PANX1: variants seen among roughly 807,000 people sequenced by gnomAD.
The protein encoded by PANX1 is pannexin-1.
A neutral mutation model predicts 38.7 loss-of-function variants in PANX1; 30 were observed. The observed-to-expected ratio is 0.78, with a 90% confidence interval of 0.58 to 1.05. The LOEUF (loss-of-function observed/expected upper bound fraction) is 1.05, where lower values mean the gene tolerates loss of function less well. Ranked by LOEUF, PANX1 falls within the 50% of genes least tolerant of loss-of-function variation. The pLI, the probability that PANX1 is intolerant of heterozygous loss-of-function variation, is 0.00. For missense variants in PANX1, 551 were observed against 517.2 expected (o/e 1.07, Z -0.63); for synonymous variants, 230 against 212.2 (o/e 1.08, Z -0.73).
At chr11:94,138,773 C>T (rs1485771555) in intron 1 of PANX1, among the ~76,000 whole-genome samples, 1 of 152,166 alleles carries the variant, frequency 6.6e-6, no homozygotes, top group Non-Finnish European at 1.5e-5. Context: ...CATTAACCAT[C>T]CCCATTTCCC....
At chr11:94,178,652 ACTGC>A in intron 3 of PANX1, 60 bp downstream of exon 3, 1 of 1,322,052 alleles carries the variant, frequency 7.6e-7, no homozygotes. Context: ...CTGCCCTTCT[ACTGC>A]CAGTCTGGGC....
intron 2 of PANX1, among the ~76,000 whole-genome samples, chr11:94,169,367 T>A (rs1947137901): frequency 6.6e-6 from 1 of 151,606 alleles, no homozygotes; most frequent in South Asian, 2.1e-4. Context: ...TGATAACCTG[T>A]GTCAGATGCT....
At position 94,175,005 on chromosome 11, in the gene PANX1, C is replaced by T. The variant is rs1331162666; in HGVS notation, c.322-3364C>T. Among the ~76,000 whole-genome samples, 3 of 151,664 alleles carry T rather than the reference C, an allele frequency of 2.0e-5. No individual in the cohort carries two copies. The East Asian group carries it at 5.8e-4, about 29-fold the overall frequency. On this transcript the variant is annotated intron_variant, in intron 2 of 4. Coordinates refer to ENST00000227638, the MANE Select transcript of PANX1 (RefSeq NM_015368.4). Reference sequence around the variant, plus strand: ...AGAAGTTTCCCTATTCTTGGAAGAGCTCAATACTCACTCGAACATCATGCA... The same window carrying T: ...AGAAGTTTCCCTATTCTTGGAAGAGTTCAATACTCACTCGAACATCATGCA...
Position 94,179,649 on chromosome 11 carries a change from A to T in PANX1, c.593A>T (p.Gln198Leu), listed in dbSNP as rs1190800608. 1.9e-6 allele frequency: 3 copies of T among 1,613,454 alleles called. No homozygotes were observed. Among genetic ancestry groups the T allele is most frequent in the Non-Finnish European group, 2.5e-6 (3 of 1,179,554 alleles). Residue 198 changes from glutamine to leucine, a missense_variant, in exon 4 of 5, where the codon CAG (glutamine) becomes CTG (leucine). Coordinates refer to ENST00000227638, the MANE Select transcript of PANX1 (RefSeq NM_015368.4). The stretch of plus-strand genomic sequence containing the variant: ...CACTTCAAGTACCCAATTGTGGAGC[A>T]GTACTTGAAGACAAAGAAAAATTCT... ...ESHFKYPIVEQYLKTKKNSNN... is the reference protein window; with the variant it reads ...ESHFKYPIVELYLKTKKNSNN...
At position 94,129,280 on chromosome 11, in the gene PANX1, G is replaced by T. The variant is rs376331286; in HGVS notation, c.-33G>T. The T allele has an allele frequency of 3.2e-6, 5 of 1,577,186 alleles. No individual in the cohort carries two copies. Among genetic ancestry groups the T allele is most frequent in the Non-Finnish European group, 3.5e-6 (4 of 1,154,114 alleles). ...AGCTTTCCCGACGCCGGCTGTACCC[G>T]GACCTCCTGGTCGAGCCTGGCGCGC... On this transcript the variant is annotated 5_prime_UTR_variant, in exon 1 of 5. Transcript: ENST00000227638.
intron 1 of PANX1, among the ~76,000 whole-genome samples, chr11:94,140,714 C>G (rs1420695690): frequency 6.6e-6 from 1 of 152,144 alleles, no homozygotes; most frequent in African/African-American, 2.4e-5. Flanking sequence ...CTTAGGACCC[C>G]TTTACACCCT....
At chr11:94,167,265 A>G (rs997655980) in intron 2 of PANX1, among the ~76,000 whole-genome samples, 2 of 152,182 alleles carry the variant, frequency 1.3e-5, no homozygotes, top group Non-Finnish European at 2.9e-5. Flanking sequence ...GCAAGACCGT[A>G]CTTCCTACTC....
chr11:94,138,170 CTCCCCGCAGCTGAAGGAGTGGCTT>C (rs1235398284), intron 1 of PANX1, among the ~76,000 whole-genome samples: 3 of 152,128 alleles, frequency 2.0e-5, no homozygotes, highest in Non-Finnish European at 4.4e-5. Context: ...ATGGATACTT[CTCCCCGCAGCTGAAGGAGTGGCTT>C]TCCCCACAGC....
Position 94,178,577 on chromosome 11 carries a change from AGAACT to A in PANX1, c.531_535del (p.Glu177AspfsTer10). ...GCCTGCTCAGTTCCAGGTGTTACCG[AGAACT>A]TAGGGCAAAGGTAACTTAGCCCCAG... On this transcript the variant is annotated frameshift_variant, in exon 3 of 5. Transcript: ENST00000227638. LOFTEE classifies it high-confidence loss of function. 6.2e-7 allele frequency: 1 copy of A among 1,613,614 alleles called. No individual in the cohort carries two copies. The highest frequency in any genetic ancestry group is 8.5e-7 in the Non-Finnish European group (1 of 1,179,648).
Position 94,165,467 on chromosome 11 carries a change from A to G in PANX1, c.321+11837A>G, listed in dbSNP as rs377173385. The stretch of plus-strand genomic sequence containing the variant: ...GACAGGATCAAATTCACACATAACA[A>G]TATTAACTTTAAATGTAAATGGGCT... On this transcript the variant is annotated intron_variant, in intron 2 of 4. Transcript: ENST00000227638. 4.6e-5 allele frequency among the ~76,000 whole-genome samples: 7 copies of G among 152,298 alleles called. No individual in the cohort carries two copies. In the East Asian group the frequency reaches 7.7e-4, roughly 17 times the overall value.
chr11:94,144,304 G>T (rs1946800642), intron 1 of PANX1, among the ~76,000 whole-genome samples: 2 of 151,958 alleles, frequency 1.3e-5, no homozygotes, highest in South Asian at 4.2e-4. Flanking sequence ...GTGAATGTGT[G>T]ACCAGTCTGG....
At position 94,179,849 on chromosome 11, in the gene PANX1, T is replaced by G. The variant is rs1275482778; in HGVS notation, c.793T>G (p.Cys265Gly). 1.2e-6 allele frequency: 2 copies of G among 1,614,154 alleles called. No individual in the cohort carries two copies. Among genetic ancestry groups the G allele is most frequent in the Non-Finnish European group, 1.7e-6 (2 of 1,180,012 alleles). Residue 265 changes from cysteine (C) to glycine (G), a missense_variant, in exon 4 of 5, where the codon TGC becomes GGC. Physicochemically the swap from Cys to Gly is radical, Grantham distance 159. Transcript: ENST00000227638. ...NDSTVPDQFQ[C>G]KLIAVGIFQL... ...CAGCACCGTGCCCGATCAGTTTCAG[T>G]GCAAACTCATTGCCGTGGGCATCTT... is the stretch of plus-strand genomic sequence containing the variant.
chr11:94,144,926 T>C (rs1012450732), intron 1 of PANX1, among the ~76,000 whole-genome samples: 9 of 152,176 alleles, frequency 5.9e-5, no homozygotes, highest in Non-Finnish European at 1.0e-4. Flanking sequence ...CTAGGTTGAA[T>C]GAGAGAATCT....
chr11:94,130,085 A>G (rs954193803), intron 1 of PANX1, among the ~76,000 whole-genome samples: 2 of 152,232 alleles, frequency 1.3e-5, no homozygotes, highest in Non-Finnish European at 2.9e-5. Flanking sequence ...CCTGTAAATT[A>G]TCATTTGAGC....
chr11:94,138,359 T>C (rs1321385771), intron 1 of PANX1, among the ~76,000 whole-genome samples: 2 of 152,256 alleles, frequency 1.3e-5, no homozygotes, highest in East Asian at 3.8e-4. Flanking sequence ...TCTTATCTTT[T>C]GCTTATTTTT....
In PANX1 at chr11:94,129,363, G is replaced by C. The variant is rs375516411; in HGVS notation, c.51G>C (p.Leu17=). ...ATEYVFSDFL[L]KEPTEPKFKG... is the part of the protein sequence containing the mutation. The stretch of plus-strand genomic sequence containing the variant: ...AGTACGTGTTCTCGGATTTCTTGCT[G>C]AAGGAGCCCACGGAGCCCAAGTTCA... Residue 17 remains leucine, a synonymous_variant, in exon 1 of 5, where the codon CTG becomes CTC. Transcript: ENST00000227638. 20 of 1,613,800 alleles carry C rather than the reference G, an allele frequency of 1.2e-5. No individual in the cohort carries two copies. Among genetic ancestry groups the C allele is most frequent in the Non-Finnish European group, 1.5e-5 (18 of 1,179,878 alleles).
intron 2 of PANX1, among the ~76,000 whole-genome samples, chr11:94,169,569 G>A (rs1947140273): frequency 6.6e-6 from 1 of 151,654 alleles, no homozygotes; most frequent in Non-Finnish European, 1.5e-5. Flanking sequence ...CTGCAGTAGG[G>A]TGGGCCTTTA....
intron 2 of PANX1, chr11:94,175,597 A>G (rs972039395): frequency 4.3e-6 from 1 of 234,076 alleles, no homozygotes; most frequent in Non-Finnish European, 7.0e-6. Flanking sequence ...CATGTTAGAA[A>G]AAGTTTTCTC....
At chr11:94,146,637 A>G (rs1946831580) in intron 1 of PANX1, among the ~76,000 whole-genome samples, 1 of 152,246 alleles carries the variant, frequency 6.6e-6, no homozygotes, top group African/African-American at 2.4e-5. Flanking sequence ...GCAATGCAGA[A>G]TCTGGATTGG....
Sources: gnomAD v4.1 joint callset for allele counts (sites outside exome capture counted in the v4.1 genomes callset) on GRCh38, gnomAD v4.1.1 for gene constraint, MANE v1.5 for transcripts, NCBI Gene and HGNC (gene_info 2026-07-23, HGNC 2026-07-21) for gene names.